The following PLEKHA1 variants were observed in gnomAD, a reference collection of about 807,000 sequenced individuals.
PLEKHA1 encodes the protein pleckstrin homology domain containing A1.
PLEKHA1 carries 34 observed loss-of-function variants against 52.0 expected under a neutral mutation model. That is an observed-to-expected ratio of 0.65 (90% CI 0.50 to 0.87). The LOEUF is 0.87. PLEKHA1 is among the 40% of genes least tolerant of loss of function. The pLI is 0.00. For missense variants in PLEKHA1, 497 were observed against 504.2 expected (o/e 0.99, Z 0.14); for synonymous variants, 163 against 170.7 (o/e 0.95, Z 0.35).
At chr10:122,435,598 A>G (rs1338748213), downstream of PLEKHA1, 1 of 152,234 alleles carries the variant, frequency 6.6e-6, no homozygotes, top group East Asian at 1.9e-4. Context: ...AGATGATTGT[A>G]GGTTCACATA....
intron 1 of PLEKHA1, among the ~76,000 whole-genome samples, chr10:122,392,782 A>G (rs1268532142): frequency 1.3e-5 from 2 of 152,194 alleles, no homozygotes; most frequent in African/African-American, 4.8e-5. Context: ...GCAAGTGGTC[A>G]CTAAATTTTA....
rs968613068 is a variant in PLEKHA1 at position 122,432,168 on chromosome 10, G to A, written c.*2230G>A. 3 of 152,046 alleles carry A rather than the reference G, an allele frequency of 2.0e-5. No individual in the cohort carries two copies. The highest frequency in any genetic ancestry group is 4.8e-5 in the African/African-American group (2 of 41,384). 9.4% of individuals were successfully genotyped at this position (152,046 alleles called of 1,614,324 possible). On this transcript the variant is annotated 3_prime_UTR_variant, in exon 12 of 12. Transcript: ENST00000368990. ...TTTCTTGTAAATATGTCACATCTGAGTTCAAAAAAATTACTTTGAATACCT... is the reference window on the plus strand; with the variant it reads ...TTTCTTGTAAATATGTCACATCTGAATTCAAAAAAATTACTTTGAATACCT...
At chr10:122,422,660 A>T (rs990954250) in intron 8 of PLEKHA1, 1 of 152,260 alleles carries the variant, frequency 6.6e-6, no homozygotes, top group Non-Finnish European at 1.5e-5. Context: ...ACAGCTACAT[A>T]CATGGTATGA....
chr10:122,391,296 A>G (rs377549590), intron 1 of PLEKHA1, among the ~76,000 whole-genome samples: 19 of 152,080 alleles, frequency 1.2e-4, no homozygotes, highest in South Asian at 4.1e-4. Context: ...ATGAAGTCCA[A>G]TATAATTTTT....
In PLEKHA1 at chr10:122,397,943, T is replaced by C. The variant is rs1274478838; in HGVS notation, c.167T>C (p.Val56Ala). 1 of 1,609,244 alleles carries C rather than the reference T, an allele frequency of 6.2e-7. No individual in the cohort carries two copies. The highest frequency in any genetic ancestry group is 1.1e-5 in the South Asian group (1 of 90,588). Residue 56 changes from valine (V) to alanine (A), a missense_variant, in exon 3 of 12, where the codon GTT becomes GCT. Transcript: ENST00000368990. Reference protein sequence around the residue: ...PQNLPSGSSRVGAIKLTYISK... With the variant: ...PQNLPSGSSRAGAIKLTYISK... Reference sequence around the variant, plus strand: ...AACCTACCTTCTGGATCATCACGTGTTGGAGCCATTAAGCTTACCTACATT... The same window carrying C: ...AACCTACCTTCTGGATCATCACGTGCTGGAGCCATTAAGCTTACCTACATT...
chr10:122,385,576 A>G (rs1234503725), intron 1 of PLEKHA1, among the ~76,000 whole-genome samples: 2 of 152,178 alleles, frequency 1.3e-5, no homozygotes, highest in South Asian at 2.1e-4. Context: ...TTGGCCTCCC[A>G]AAGTGTTGGG....
the PLEKHA1 span, chr10:122,442,406 GAAAA>G: frequency 1.3e-5 from 2 of 151,130 alleles, no homozygotes; most frequent in Non-Finnish European, 3.0e-5. Flanking sequence ...TAAGCAAAAA[GAAAA>G]AAAATAAAAA....
chr10:122,374,971 G>A (rs921783958), intron 1 of PLEKHA1, 165 bp downstream of exon 1: 1 of 151,962 alleles, frequency 6.6e-6, no homozygotes, highest in African/African-American at 2.4e-5. Flanking sequence ...GGTGAGTGCG[G>A]AGCCGGCGCC....
At chr10:122,425,204 A>T (rs1306137887) in intron 10 of PLEKHA1, 2 of 322,240 alleles carry the variant, frequency 6.2e-6, no homozygotes, top group East Asian at 9.6e-5. Context: ...AAATGCTTTT[A>T]ATTTAGATGT....
At chr10:122,429,297 C>T (rs1470700282) in intron 11 of PLEKHA1, among the ~76,000 whole-genome samples, 1 of 152,112 alleles carries the variant, frequency 6.6e-6, no homozygotes, top group Admixed American at 6.6e-5. Context: ...AGTTCAGTTG[C>T]AGCTGGAACA....
intron 6 of PLEKHA1, 42 bp downstream of exon 6, chr10:122,413,087 G>A (rs756076206): frequency 6.6e-7 from 1 of 1,526,028 alleles, no homozygotes. Flanking sequence ...TCTAATTATT[G>A]TATATTGATT....
chr10:122,424,879 A>C lies in PLEKHA1; in HGVS notation c.747-17A>C, dbSNP rs370315183. 4.8e-5 allele frequency: 76 copies of C among 1,587,554 alleles called. No homozygotes were observed. The African/African-American group carries it at 1.0e-3, about 21-fold the overall frequency. On this transcript the variant is annotated splice_polypyrimidine_tract_variant and intron_variant, in intron 9 of 11. Transcript: ENST00000368990. ...ACAACTGCTATTTAAGTATAATTGG[A>C]TTTTTTTTTCATACAGCGACATAAT...
chr10:122,377,613 A>T (rs2096555648), intron 1 of PLEKHA1, among the ~76,000 whole-genome samples: 1 of 152,200 alleles, frequency 6.6e-6, no homozygotes, highest in Admixed American at 6.5e-5. Context: ...TATTTTTAGA[A>T]ACATAAAAAT....
chr10:122,385,463 T>C (rs893183206), intron 1 of PLEKHA1, among the ~76,000 whole-genome samples: 34 of 151,802 alleles, frequency 2.2e-4, no homozygotes, highest in African/African-American at 8.2e-4. Flanking sequence ...GATTAGAGCA[T>C]GCACCACCAT....
chr10:122,381,493 T>A (rs1444004727), intron 1 of PLEKHA1, among the ~76,000 whole-genome samples: 2 of 152,070 alleles, frequency 1.3e-5, no homozygotes, highest in Non-Finnish European at 2.9e-5. Context: ...TTTAAAAGTG[T>A]GTACCTCTCT....
intron 4 of PLEKHA1, among the ~76,000 whole-genome samples, chr10:122,404,452 T>G (rs1408330411): frequency 6.6e-6 from 1 of 152,232 alleles, no homozygotes; most frequent in African/African-American, 2.4e-5. Flanking sequence ...TATTAGTAAG[T>G]GCATAGATTT....
intron 1 of PLEKHA1, among the ~76,000 whole-genome samples, chr10:122,375,724 C>T (rs2096524460): frequency 6.6e-6 from 1 of 152,190 alleles, no homozygotes; most frequent in Non-Finnish European, 1.5e-5. Flanking sequence ...AATAATGAAA[C>T]TCCTTTGCTC....
At chr10:122,427,522 A>C (rs1201714235) in intron 11 of PLEKHA1, among the ~76,000 whole-genome samples, 1 of 152,172 alleles carries the variant, frequency 6.6e-6, no homozygotes, top group African/African-American at 2.4e-5. Context: ...CTGGGGCCTT[A>C]AATACAGTTC....
intron 1 of PLEKHA1, among the ~76,000 whole-genome samples, chr10:122,389,144 G>A (rs2096741499): frequency 6.6e-6 from 1 of 152,116 alleles, no homozygotes; most frequent in African/African-American, 2.4e-5. Flanking sequence ...ACTTTGCCCA[G>A]ATCTATCAGA....
Sources: allele counts gnomAD v4.1 joint callset (sites outside exome capture counted in the v4.1 genomes callset), GRCh38; gene constraint gnomAD v4.1.1; transcripts MANE v1.5; gene names NCBI Gene and HGNC (gene_info 2026-07-23, HGNC 2026-07-21).